CDC45: variants seen among roughly 807,000 people sequenced by gnomAD.
The protein encoded by CDC45 is cell division cycle 45, also known as cell division control protein 45 homolog.
CDC45 carries 54 observed loss-of-function variants against 77.8 expected under a neutral mutation model. That is an observed-to-expected ratio of 0.69 (90% CI 0.56 to 0.87). CDC45 has a LOEUF of 0.87. Ranked by LOEUF, CDC45 falls within the 40% of genes least tolerant of loss-of-function variation. The pLI is 0.00. For missense variants in CDC45, 649 were observed against 721.6 expected (o/e 0.90, Z 1.15); for synonymous variants, 260 against 272.1 (o/e 0.96, Z 0.44).
intron 10 of CDC45, among the ~76,000 whole-genome samples, 161 bp downstream of exon 10, chr22:19,505,642 A>G (rs566399910): frequency 6.6e-6 from 1 of 152,344 alleles, no homozygotes; most frequent in African/African-American, 2.4e-5. Context: ...ACCCCAGCTC[A>G]TCTGTGTGGC....
chr22:19,483,581 G>T (rs1288683950), intron 4 of CDC45, among the ~76,000 whole-genome samples: 9 of 152,196 alleles, frequency 5.9e-5, no homozygotes, highest in Admixed American at 5.9e-4. Flanking sequence ...GTAAGAGGAT[G>T]CTGTGTTTCC....
chr22:19,496,053 A>T, intron 7 of CDC45, 24 bp downstream of exon 7: 2 of 1,542,086 alleles, frequency 1.3e-6, no homozygotes, highest in Non-Finnish European at 1.8e-6. Flanking sequence ...GGTGGAACTC[A>T]CTATAAAGTT....
In CDC45 at chr22:19,515,136, G is replaced by T. The variant is rs536346186; in HGVS notation, c.1440+88G>T. 15 of 1,248,402 alleles carry T rather than the reference G, an allele frequency of 1.2e-5. No individual in the cohort carries two copies. In the East Asian group the frequency reaches 3.7e-4, roughly 31 times the overall value. The allele number at this position is 1,248,402 out of a possible 1,614,324, so 77.3% of individuals were successfully genotyped here. On this transcript the variant is annotated intron_variant, in intron 15 of 18. Transcript: ENST00000263201. ...GGGAGTTAGATGCTGGCCTTGGGGT[G>T]CCTGTGGCTGTTGACCAGCTGCAAG... is the stretch of plus-strand genomic sequence containing the variant.
At position 19,483,876 on chromosome 22, in the gene CDC45, T is replaced by C; in HGVS notation, c.357T>C (p.Ile119=). Reference sequence around the variant, plus strand: ...TTTGAACTTAGATCAAATTACTCATTAAACAAGATGATGACCTTGAAGTTC... The same window carrying C: ...TTTGAACTTAGATCAAATTACTCATCAAACAAGATGATGACCTTGAAGTTC... The part of the protein sequence containing the change: ...VYNDTQIKLL[I]KQDDDLEVPA... The change falls in exon 5 of 19, where the codon ATT becomes ATC. Residue 119 remains isoleucine, a synonymous_variant. Transcript: ENST00000263201. 6.2e-7 allele frequency: 1 copy of C among 1,612,252 alleles called. No individual in the cohort carries two copies. The highest frequency in any genetic ancestry group is 2.2e-5 in the East Asian group (1 of 44,874).
chr22:19,489,780 A>G (rs933041927), intron 5 of CDC45, among the ~76,000 whole-genome samples: 1 of 152,244 alleles, frequency 6.6e-6, no homozygotes, highest in Non-Finnish European at 1.5e-5. Flanking sequence ...AGTTTTTTAG[A>G]AATGTCACTT....
Position 19,481,438 on chromosome 22 carries a change from G to T in CDC45, c.204+393G>T, listed in dbSNP as rs184064356. 9.3e-4 allele frequency among the ~76,000 whole-genome samples: 141 copies of T among 152,062 alleles called. 1 individual carries two copies. The highest frequency in any genetic ancestry group is 3.2e-3 in the African/African-American group (134 of 41,444). ...GTGTCGCCCAGGCTGGAGTGCAGTG[G>T]CACGATCTCGGCTCACTGCAAGCTG... On this transcript the variant is annotated intron_variant, in intron 3 of 18. Coordinates refer to ENST00000263201, the MANE Select transcript of CDC45 (RefSeq NM_003504.5).
chr22:19,508,797 T>G (rs1035273862), intron 13 of CDC45, 106 bp downstream of exon 13: 2 of 1,021,120 alleles, frequency 2.0e-6, no homozygotes, highest in Non-Finnish European at 2.9e-6. Context: ...GACTGTGTCC[T>G]GCAGAAACTG....
rs191840446 is a variant in CDC45 at position 19,492,346 on chromosome 22, C to T, written c.487-1981C>T. ...CCCTCTGTCCCCTTCATTCTGCTCT[C>T]GAGCCTATTTGCTGAGTTAATATTC... On this transcript the variant is annotated intron_variant, in intron 5 of 18. Transcript: ENST00000263201. Among the ~76,000 whole-genome samples, 600 of 152,140 alleles carry T rather than the reference C, an allele frequency of 3.9e-3. 3 individuals are homozygous for T. The highest frequency in any genetic ancestry group is 3.7e-3 in the Non-Finnish European group (251 of 68,012).
chr22:19,484,812 T>G (rs1199669853), intron 5 of CDC45, among the ~76,000 whole-genome samples: 2 of 152,248 alleles, frequency 1.3e-5, no homozygotes, highest in Non-Finnish European at 2.9e-5. Context: ...CTCTTCTTTC[T>G]CACCTTTGTC....
chr22:19,503,027 C>T (rs1932961518), intron 9 of CDC45, among the ~76,000 whole-genome samples: 2 of 152,044 alleles, frequency 1.3e-5, no homozygotes, highest in African/African-American at 4.8e-5. Context: ...ATCAGCTGGG[C>T]ATGGTGGTGC....
rs1460951511 is a variant in CDC45 at position 19,508,650 on chromosome 22, A to G, written c.1176A>G (p.Ser392=). The stretch of plus-strand genomic sequence containing the variant: ...TGGAGAGCCCCGAGAAGGATGGCTC[A>G]GGGACAGATCACTTCATCCAGGCTC... ...SLMESPEKDG[S]GTDHFIQALD... Residue 392 remains serine (S), a synonymous_variant, in exon 13 of 19, where the codon TCA becomes TCG. Transcript: ENST00000263201. The G allele has an allele frequency of 9.3e-6, 15 of 1,614,062 alleles. No homozygotes were observed. In the African/African-American group the frequency reaches 9.3e-5, roughly 10 times the overall value.
rs191529202 is a variant in CDC45, at chr22:19,495,265, T to C, written c.543-716T>C. ...CCATTTAAAATAGTTCTGAACAGGC[T>C]TTCTAAACAGCCTAGTACTTAATTG... On this transcript the variant is annotated intron_variant, in intron 6 of 18. Coordinates refer to ENST00000263201, the MANE Select transcript of CDC45 (RefSeq NM_003504.5). 2.3e-4 allele frequency among the ~76,000 whole-genome samples: 35 copies of C among 152,382 alleles called. No homozygotes were observed. In the East Asian group the frequency reaches 6.7e-3, roughly 29 times the overall value.
At position 19,520,099 on chromosome 22, in the gene CDC45, G is replaced by A. The variant is rs924381873; in HGVS notation, c.*2-382G>A. Reference sequence around the variant, plus strand: ...CCCCTCCCCTGCAGCCTGCTTGGTGGTGATGTTATGCTGCTGTGTGTCCTT... The same window carrying A: ...CCCCTCCCCTGCAGCCTGCTTGGTGATGATGTTATGCTGCTGTGTGTCCTT... On this transcript the variant is annotated intron_variant, in intron 18 of 18. Transcript: ENST00000263201. The surrounding 1 kb of genome is among the most constrained non-coding windows in gnomAD (Gnocchi z 4.5). Among the ~76,000 whole-genome samples, 2 of 152,130 alleles carry A rather than the reference G, an allele frequency of 1.3e-5. No individual in the cohort carries two copies. The highest frequency in any genetic ancestry group is 4.8e-5 in the African/African-American group (2 of 41,406).
At chr22:19,485,052 A>T (rs988292250) in intron 5 of CDC45, among the ~76,000 whole-genome samples, 6 of 152,028 alleles carry the variant, frequency 3.9e-5, no homozygotes, top group Non-Finnish European at 8.8e-5. Flanking sequence ...GACTAAGCAC[A>T]TGCCACTACA....
chr22:19,519,730 G>C (rs1238229926), intron 18 of CDC45, among the ~76,000 whole-genome samples: 1 of 152,218 alleles, frequency 6.6e-6, no homozygotes, highest in African/African-American at 2.4e-5. Flanking sequence ...ATCCCTCCAG[G>C]GGCAAGCACC....
chr22:19,500,205 C>A (rs961049848), intron 9 of CDC45, among the ~76,000 whole-genome samples: 5 of 152,220 alleles, frequency 3.3e-5, no homozygotes, highest in African/African-American at 1.2e-4. Flanking sequence ...TCAGGTGAGG[C>A]CCCCACGGTC....
chr22:19,507,763 C>T lies in CDC45; in HGVS notation c.957-3C>T. On this transcript the variant is annotated splice_region_variant and splice_polypyrimidine_tract_variant and intron_variant, in intron 11 of 18. Transcript: ENST00000263201. ...TCATGTGGCTTGGGCTTGCTCTTTC[C>T]AGTCTTCCCCTGAAGCAGGTGAAGC... 1.3e-6 allele frequency: 2 copies of T among 1,588,590 alleles called. No homozygotes were observed. Among genetic ancestry groups the T allele is most frequent in the Non-Finnish European group, 1.7e-6 (2 of 1,168,994 alleles).
At chr22:19,485,176 C>T (rs942528405) in intron 5 of CDC45, among the ~76,000 whole-genome samples, 1 of 152,036 alleles carries the variant, frequency 6.6e-6, no homozygotes, top group African/African-American at 2.4e-5. Flanking sequence ...TTCATTGGTT[C>T]CCAAATGTCA....
At position 19,497,300 on chromosome 22, in the gene CDC45, T is replaced by A. The variant is rs915345488; in HGVS notation, c.592-86T>A. 3 of 1,290,138 alleles carry A rather than the reference T, an allele frequency of 2.3e-6. No individual in the cohort carries two copies. The African/African-American group carries it at 4.4e-5, about 19-fold the overall frequency. 79.9% of individuals were successfully genotyped at this position (1,290,138 alleles called of 1,614,324 possible). A position where few individuals can be genotyped will look rare whatever the true frequency, so the allele number is the denominator to read the frequency against. ...CATCCGCAGGGGTTTGCCAGGGCCC[T>A]TCTGGCTCAAGTCCAGTCTGGCTGC... On this transcript the variant is annotated intron_variant, in intron 7 of 18. Coordinates refer to ENST00000263201, the MANE Select transcript of CDC45 (RefSeq NM_003504.5).
Sources: gnomAD v4.1 joint callset for allele counts (sites outside exome capture counted in the v4.1 genomes callset) on GRCh38, gnomAD v4.1.1 for gene constraint, Gnocchi (gnomAD v3.1) non-coding constraint, MANE v1.5 for transcripts, NCBI Gene and HGNC (gene_info 2026-07-23, HGNC 2026-07-21) for gene names.